The following LRRC4C variants were observed in gnomAD, a reference collection of about 807,000 sequenced individuals.
The protein encoded by LRRC4C is leucine rich repeat containing 4C.
Under a neutral mutation model 33.6 loss-of-function variants are expected in LRRC4C, and 5 were observed. That is an observed-to-expected ratio of 0.15 (90% confidence interval 0.08 to 0.31). The LOEUF (loss-of-function observed/expected upper bound fraction) is 0.31. Ranked by LOEUF, LRRC4C falls within the 10% of genes least tolerant of loss-of-function variation. The probability of loss-of-function intolerance (pLI) is 1.00; values close to 1 mark genes in which losing one functional copy is unlikely to be tolerated. For missense variants in LRRC4C, 560 were observed against 796.7 expected, an observed-to-expected ratio of 0.70 and a Z score of 3.58; for synonymous variants, 329 against 302.0, an observed-to-expected ratio of 1.09 and a Z score of -0.93.
chr11:40,213,827 C>T (rs1863780164), intron 5 of LRRC4C, among the ~76,000 whole-genome samples: 1 of 152,040 alleles, frequency 6.6e-6, no homozygotes, highest in Admixed American at 6.6e-5. Context: ...ATTGATTAAG[C>T]ATCTAATATG....
intron 2 of LRRC4C, among the ~76,000 whole-genome samples, chr11:40,710,894 G>A (rs572885859): frequency 6.6e-6 from 1 of 152,314 alleles, no homozygotes; most frequent in East Asian, 1.9e-4. Flanking sequence ...ACCTATTCAA[G>A]CCTCAGCAAT....
chr11:41,007,202 G>T (rs1854818947), intron 1 of LRRC4C, among the ~76,000 whole-genome samples: 1 of 150,764 alleles, frequency 6.6e-6, no homozygotes, highest in South Asian at 2.1e-4. Context: ...CATCGAGAGA[G>T]AATCAAAAAT....
At chr11:41,220,267 C>A (rs778275035) in intron 1 of LRRC4C, among the ~76,000 whole-genome samples, 18 of 152,026 alleles carry the variant, frequency 1.2e-4, no homozygotes, top group Non-Finnish European at 1.9e-4. Context: ...TTATTATTTT[C>A]TTTCTGTCAA....
At chr11:40,544,003 G>C (rs188724309) in intron 3 of LRRC4C, among the ~76,000 whole-genome samples, 15 of 152,008 alleles carry the variant, frequency 9.9e-5, no homozygotes, top group African/African-American at 3.6e-4. Context: ...ATATATAGAC[G>C]GTTGATAGAG....
At chr11:40,665,350 A>ATG (rs1943735046) in intron 2 of LRRC4C, among the ~76,000 whole-genome samples, 1 of 19,768 alleles carries the variant, frequency 5.1e-5, no homozygotes, top group Non-Finnish European at 1.1e-4. Context: ...ATATATATAT[A>ATG]TATATATATA....
At position 41,287,499 on chromosome 11, in the gene LRRC4C, C is replaced by T. The variant is rs2922033; in HGVS notation, c.-496+171932G>A. ...ATGGCAAAAACTGCAATTACTTTTGCACCAATCTAATATAAAATCTATAGG... is the reference window on the plus strand; with the variant it reads ...ATGGCAAAAACTGCAATTACTTTTGTACCAATCTAATATAAAATCTATAGG... On this transcript the variant is annotated intron_variant, in intron 1 of 6. Transcript: ENST00000528697. Among the ~76,000 whole-genome samples, 690 of 152,144 alleles carry T rather than the reference C, an allele frequency of 4.5e-3. 14 individuals are homozygous for T. The East Asian group carries it at 0.047, about 10-fold the overall frequency.
chr11:40,419,258 A>T (rs2137722089), intron 3 of LRRC4C, among the ~76,000 whole-genome samples: 1 of 152,330 alleles, frequency 6.6e-6, no homozygotes, highest in South Asian at 2.1e-4. Flanking sequence ...CAGAAAAAAT[A>T]TTTGAGAAAT....
At chr11:41,010,467 C>G (rs1325472538) in intron 1 of LRRC4C, among the ~76,000 whole-genome samples, 1 of 152,038 alleles carries the variant, frequency 6.6e-6, no homozygotes, top group Non-Finnish European at 1.5e-5. Context: ...ACTGAGAATA[C>G]TTTTATACAC....
chr11:41,056,126 G>GA (rs1415346944), intron 1 of LRRC4C, among the ~76,000 whole-genome samples: 1 of 151,882 alleles, frequency 6.6e-6, no homozygotes, highest in Non-Finnish European at 1.5e-5. Flanking sequence ...ACCCAAGAAT[G>GA]AAAAAAACTA....
intron 3 of LRRC4C, among the ~76,000 whole-genome samples, chr11:40,644,740 T>C (rs1301470135): frequency 6.6e-6 from 1 of 152,074 alleles, no homozygotes; most frequent in Non-Finnish European, 1.5e-5. Flanking sequence ...AGATTAGAAG[T>C]TGTCAGTGTT....
chr11:40,403,827 G>A (rs941472280), intron 3 of LRRC4C, among the ~76,000 whole-genome samples: 1 of 152,058 alleles, frequency 6.6e-6, no homozygotes, highest in Non-Finnish European at 1.5e-5. Flanking sequence ...AGTTCAAGGA[G>A]GTGAAGTGAT....
chr11:41,249,324 G>A (rs749319213), intron 1 of LRRC4C, among the ~76,000 whole-genome samples: 4 of 152,080 alleles, frequency 2.6e-5, no homozygotes, highest in South Asian at 4.1e-4. Flanking sequence ...GTGAGCCACC[G>A]CGCCCGGCCA....
At chr11:40,181,071 T>G (rs12799616) in intron 5 of LRRC4C, among the ~76,000 whole-genome samples, 1 of 152,190 alleles carries the variant, frequency 6.6e-6, no homozygotes, top group Non-Finnish European at 1.5e-5. Context: ...AGATGTTTTG[T>G]CGTAATGGTC....
chr11:41,154,827 A>G (rs1464668907), intron 1 of LRRC4C, among the ~76,000 whole-genome samples: 1 of 152,150 alleles, frequency 6.6e-6, no homozygotes, highest in Non-Finnish European at 1.5e-5. Flanking sequence ...CCAGAAAACA[A>G]CAGAGGGTAA....
chr11:41,095,570 G>A lies in LRRC4C; in HGVS notation c.-495-161847C>T, dbSNP rs1425600173. On this transcript the variant is annotated intron_variant, in intron 1 of 6. Coordinates refer to ENST00000528697, the MANE Select transcript of LRRC4C (RefSeq NM_001258419.2). ...AGTGCACTTTGACAATATTCATTTG[G>A]ACCTGCCTTTTTCTGAGTGTTCTTT... Among the ~76,000 whole-genome samples the A allele has an allele frequency of 3.3e-5, 5 of 152,288 alleles. No homozygotes were observed. The East Asian group carries it at 9.7e-4, about 29-fold the overall frequency.
intron 2 of LRRC4C, among the ~76,000 whole-genome samples, chr11:40,739,564 ACCCAAAACT>A (rs1267710807): frequency 3.3e-5 from 5 of 152,006 alleles, no homozygotes; most frequent in Non-Finnish European, 7.4e-5. Flanking sequence ...TTGTGTCCCC[ACCCAAAACT>A]CAACTTGAAT....
intron 3 of LRRC4C, among the ~76,000 whole-genome samples, chr11:40,470,814 G>A (rs1317199145): frequency 1.3e-5 from 2 of 152,030 alleles, no homozygotes; most frequent in African/African-American, 4.8e-5. Flanking sequence ...ATGAAATAAA[G>A]CATGAAAACA....
At chr11:40,143,124 C>A (rs1470138020) in intron 5 of LRRC4C, among the ~76,000 whole-genome samples, 4 of 152,090 alleles carry the variant, frequency 2.6e-5, no homozygotes, top group Non-Finnish European at 5.9e-5. Flanking sequence ...ATCCTATCAC[C>A]CATGCATTGG....
At chr11:40,697,438 T>C (rs978012946) in intron 2 of LRRC4C, among the ~76,000 whole-genome samples, 1 of 152,196 alleles carries the variant, frequency 6.6e-6, no homozygotes, top group Non-Finnish European at 1.5e-5. Flanking sequence ...GGATATACAT[T>C]ATTTTCTTTT....
Sources: allele counts gnomAD v4.1 joint callset (sites outside exome capture counted in the v4.1 genomes callset), GRCh38; gene constraint gnomAD v4.1.1; transcripts MANE v1.5; gene names NCBI Gene and HGNC (gene_info 2026-07-23, HGNC 2026-07-21).